The following DPP10 variants were observed in gnomAD, a reference collection of about 807,000 sequenced individuals.
DPP10 encodes inactive dipeptidyl peptidase 10.
DPP10 carries 33 observed loss-of-function variants against 120.9 expected under a neutral mutation model. The observed-to-expected ratio is 0.27, with a 90% CI of 0.21 to 0.37. The LOEUF is 0.37. Ranked by LOEUF, DPP10 falls within the 10% of genes least tolerant of loss-of-function variation. DPP10 has a pLI of 1.00. For missense variants in DPP10, 816 were observed against 942.8 expected (o/e 0.87, Z 1.76); for synonymous variants, 337 against 326.1 (o/e 1.03, Z -0.36).
At chr2:115,568,209 G>A (rs1405352319) in intron 5 of DPP10, among the ~76,000 whole-genome samples, 1 of 146,736 alleles carries the variant, frequency 6.8e-6, no homozygotes, top group Admixed American at 6.8e-5. Context: ...AAAAGACTGG[G>A]AGCAGTGGCT....
chr2:114,570,338 A>C (rs1689532152), intron 1 of DPP10, among the ~76,000 whole-genome samples: 1 of 152,190 alleles, frequency 6.6e-6, no homozygotes, highest in Non-Finnish European at 1.5e-5. Context: ...TCAAAGATAA[A>C]TGGGAAAGGG....
chr2:115,112,223 C>T (rs941926738), intron 1 of DPP10, among the ~76,000 whole-genome samples: 2 of 151,954 alleles, frequency 1.3e-5, no homozygotes, highest in East Asian at 3.9e-4. Context: ...ATAATCTTTT[C>T]CTTTATTATT....
intron 19 of DPP10, among the ~76,000 whole-genome samples, chr2:115,800,099 G>T (rs1685013636): frequency 6.6e-6 from 1 of 150,884 alleles, no homozygotes; most frequent in Non-Finnish European, 1.5e-5. Context: ...AGCACCTGTT[G>T]TTTCCTGACT....
intron 1 of DPP10, among the ~76,000 whole-genome samples, chr2:114,945,704 T>C (rs1217134933): frequency 6.6e-6 from 1 of 152,080 alleles, no homozygotes. Flanking sequence ...TAATCCCAGC[T>C]ACTTGGGAGG....
chr2:115,816,837 G>C (rs185509725), intron 21 of DPP10, among the ~76,000 whole-genome samples: 3 of 150,198 alleles, frequency 2.0e-5, no homozygotes, highest in Admixed American at 6.6e-5. Context: ...AGATGGTCTC[G>C]ATCTCTTGAC....
At chr2:114,456,442 G>A (rs765964652) in intron 1 of DPP10, among the ~76,000 whole-genome samples, 1 of 152,066 alleles carries the variant, frequency 6.6e-6, no homozygotes. Context: ...CCAGGATCAG[G>A]GTAAGAATAT....
At chr2:114,865,089 G>A (rs754219944) in intron 1 of DPP10, among the ~76,000 whole-genome samples, 2 of 152,150 alleles carry the variant, frequency 1.3e-5, no homozygotes, top group Non-Finnish European at 1.5e-5. Context: ...CAAAAGTTGC[G>A]GGACATCTGG....
At chr2:115,351,252 G>C (rs940727264) in intron 3 of DPP10, among the ~76,000 whole-genome samples, 11 of 152,070 alleles carry the variant, frequency 7.2e-5, no homozygotes, top group Non-Finnish European at 1.5e-4. Flanking sequence ...CCATTATCCT[G>C]AGTGAATTAA....
chr2:115,693,525 T>C (rs1454614709), intron 7 of DPP10, among the ~76,000 whole-genome samples: 1 of 152,180 alleles, frequency 6.6e-6, no homozygotes, highest in African/African-American at 2.4e-5. Flanking sequence ...GAAAATCTTT[T>C]ACACTTTGGT....
chr2:115,325,431 G>T (rs941447827), intron 2 of DPP10, among the ~76,000 whole-genome samples: 2 of 152,104 alleles, frequency 1.3e-5, no homozygotes, highest in Non-Finnish European at 2.9e-5. Context: ...CATCTTTTGA[G>T]ACTTGAATAA....
At chr2:114,998,071 T>A (rs1052121859) in intron 1 of DPP10, among the ~76,000 whole-genome samples, 14 of 152,332 alleles carry the variant, frequency 9.2e-5, no homozygotes, top group Middle Eastern at 3.4e-3. Context: ...TTTCTCACTC[T>A]GAATTTATAC....
chr2:114,918,593 C>T (rs547834529), intron 1 of DPP10, among the ~76,000 whole-genome samples: 4 of 152,282 alleles, frequency 2.6e-5, no homozygotes, highest in African/African-American at 9.6e-5. Context: ...AGCATACATA[C>T]ACCATGGAAT....
At chr2:114,813,588 T>A (rs1343101165) in intron 1 of DPP10, among the ~76,000 whole-genome samples, 1 of 152,204 alleles carries the variant, frequency 6.6e-6, no homozygotes, top group Non-Finnish European at 1.5e-5. Context: ...TTTCAAAATC[T>A]TACTACCTTA....
intron 1 of DPP10, among the ~76,000 whole-genome samples, chr2:114,522,249 G>C (rs1685132429): frequency 1.3e-5 from 2 of 151,930 alleles, no homozygotes; most frequent in African/African-American, 4.8e-5. Flanking sequence ...CTCCCAAAGT[G>C]CTGGGATTAC....
chr2:114,643,347 C>T lies in DPP10; in HGVS notation c.60+200509C>T, dbSNP rs115433418. 4.7e-4 allele frequency among the ~76,000 whole-genome samples: 72 copies of T among 151,992 alleles called. 1 individual carries two copies. Among genetic ancestry groups the T allele is most frequent in the African/African-American group, 1.6e-3 (66 of 41,250 alleles). ...TATCTTCTCTCCCGTGAAGCAATGC[C>T]GCCTGGTAGAACAAATGGTGCAACC... is the stretch of plus-strand genomic sequence containing the variant. On this transcript the variant is annotated intron_variant, in intron 1 of 25. Transcript: ENST00000410059.
intron 5 of DPP10, among the ~76,000 whole-genome samples, chr2:115,588,298 G>T (rs538481298): frequency 2.6e-5 from 4 of 152,204 alleles, no homozygotes; most frequent in African/African-American, 4.8e-5. Flanking sequence ...TTTCATTAAT[G>T]ACTTGGAAAA....
At chr2:115,402,632 G>A (rs1399063425) in intron 3 of DPP10, among the ~76,000 whole-genome samples, 1 of 147,470 alleles carries the variant, frequency 6.8e-6, no homozygotes, top group South Asian at 2.1e-4. Flanking sequence ...CACAGAGACT[G>A]AATCAGTTTA....
chr2:115,677,170 G>A (rs2090329986), intron 5 of DPP10, among the ~76,000 whole-genome samples: 1 of 152,128 alleles, frequency 6.6e-6, no homozygotes, highest in Admixed American at 6.5e-5. Flanking sequence ...CACTAGACTG[G>A]TCCTACAAGA....
At chr2:115,726,787 G>A (rs2092775149) in intron 7 of DPP10, among the ~76,000 whole-genome samples, 1 of 152,112 alleles carries the variant, frequency 6.6e-6, no homozygotes. Context: ...TTAAAACCTA[G>A]GGCCTCGTAA....
Sources: gnomAD v4.1 joint callset for allele counts (sites outside exome capture counted in the v4.1 genomes callset) on GRCh38, gnomAD v4.1.1 for gene constraint, MANE v1.5 for transcripts, NCBI Gene and HGNC (gene_info 2026-07-23, HGNC 2026-07-21) for gene names.